ABCC12: variants seen among roughly 807,000 people sequenced by gnomAD.
The protein encoded by ABCC12 is ATP binding cassette subfamily C member 12.
ABCC12 carries 142 observed loss-of-function variants against 151.1 expected under a neutral mutation model. The ratio of observed to expected loss-of-function variants is 0.94; its 90% CI spans 0.82 to 1.08. The LOEUF (loss-of-function observed/expected upper bound fraction) is 1.08, where lower values mean the gene tolerates loss of function less well. Ranked by LOEUF, ABCC12 falls within the 50% of genes least tolerant of loss-of-function variation. The probability of loss-of-function intolerance (pLI) is 0.00; values close to 1 mark genes in which losing one functional copy is unlikely to be tolerated. For synonymous variants in ABCC12, 645 were observed against 646.4 expected (o/e 1.00, Z 0.03); for missense variants, 1,638 against 1,691.1 (o/e 0.97, Z 0.55).
Position 48,091,190 on chromosome 16 carries a change from A to G in ABCC12, c.3215T>C (p.Val1072Ala). Reference sequence around the variant, plus strand: ...CGTCTCTGTTCCCGTTCGCACACACACTTGGAGCAGTCCGCTCAGCTGTTG... The same window carrying G: ...CGTCTCTGTTCCCGTTCGCACACACGCTTGGAGCAGTCCGCTCAGCTGTTG... Reference protein sequence around the residue: ...YIIQLSGLLQVCVRTGTETQA... With the variant: ...YIIQLSGLLQACVRTGTETQA... The change falls in exon 25 of 31, where the codon GTG (valine) becomes GCG (alanine). Residue 1072 changes from valine (V) to alanine (A), a missense_variant. By Grantham distance (64) the Val-to-Ala change is moderately conservative (BLOSUM62 0). Transcript: ENST00000311303. 2 of 1,614,024 alleles carry G rather than the reference A, an allele frequency of 1.2e-6. No homozygotes were observed. The highest frequency in any genetic ancestry group is 1.7e-6 in the Non-Finnish European group (2 of 1,179,956).
At position 48,088,608 on chromosome 16, in the gene ABCC12, C is replaced by T. The variant is rs372800149; in HGVS notation, c.3412G>A (p.Asp1138Asn). The stretch of plus-strand genomic sequence containing the variant: ...CTTTGTATGTTCAAGTTCAGGCTGT[C>T]GAGAACAAGGGGGGTGTTGTCTCTG... Reference protein sequence around the residue: ...RYRDNTPLVLDSLNLNIQSGQ... With the variant: ...RYRDNTPLVLNSLNLNIQSGQ... Residue 1138 changes from aspartate (D) to asparagine (N), a missense_variant, in exon 26 of 31, where the codon GAC becomes AAC. By Grantham distance (23) the Asp-to-Asn change is conservative (BLOSUM62 1). Transcript: ENST00000311303. 7 of 1,614,098 alleles carry T rather than the reference C, an allele frequency of 4.3e-6. No homozygotes were observed. Among genetic ancestry groups the T allele is most frequent in the East Asian group, 2.2e-5 (1 of 44,898 alleles).
chr16:48,110,600 C>T (rs1189331887), intron 18 of ABCC12, among the ~76,000 whole-genome samples: 1 of 152,064 alleles, frequency 6.6e-6, no homozygotes, highest in East Asian at 1.9e-4. Flanking sequence ...TAGCCCCCAC[C>T]AGGCTCATCT....
rs777848662 is a variant in ABCC12, at chr16:48,115,519, G to A, written c.1885C>T (p.Pro629Ser). The A allele has an allele frequency of 6.2e-7, 1 of 1,614,216 alleles. No homozygotes were observed. Among genetic ancestry groups the A allele is most frequent in the Non-Finnish European group, 8.5e-7 (1 of 1,180,040 alleles). Reference sequence around the variant, plus strand: ...ACGTGGGCGTCCACGGCCGACAGGGGGTCGTCCAGCAGGTAGAGCTGACGG... The same window carrying A: ...ACGTGGGCGTCCACGGCCGACAGGGAGTCGTCCAGCAGGTAGAGCTGACGG... The part of the protein sequence containing the change: ...SDRQLYLLDD[P>S]LSAVDAHVGK... The change falls in exon 15 of 31, where the codon CCC becomes TCC. Residue 629 changes from proline to serine, a missense_variant. Physicochemically the swap from Pro to Ser is moderately conservative, Grantham distance 74. Coordinates refer to ENST00000311303, the MANE Select transcript of ABCC12 (RefSeq NM_001393797.1).
At chr16:48,109,239 C>T (rs1373951485) in intron 18 of ABCC12, among the ~76,000 whole-genome samples, 2 of 152,110 alleles carry the variant, frequency 1.3e-5, no homozygotes, top group Non-Finnish European at 2.9e-5. Flanking sequence ...AGAGCTCATG[C>T]CATACAGAAG....
At position 48,086,772 on chromosome 16, in the gene ABCC12, T is replaced by C. The variant is rs1962624656; in HGVS notation, c.3683A>G (p.Gln1228Arg). The change falls in exon 28 of 31, where the codon CAG becomes CGG. Residue 1228 changes from glutamine to arginine, a missense_variant. Coordinates refer to ENST00000311303, the MANE Select transcript of ABCC12 (RefSeq NM_001393797.1). ...TCTCATGAATGTTCTCTCCAGAACCTGCCAGAGCATCTCATCGGTGTGACT... is the reference window on the plus strand; with the variant it reads ...TCTCATGAATGTTCTCTCCAGAACCCGCCAGAGCATCTCATCGGTGTGACT... ...FESHTDEMLW[Q>R]VLERTFMRDT... is the part of the protein sequence containing the mutation. The C allele has an allele frequency of 2.5e-6, 4 of 1,614,010 alleles. No individual in the cohort carries two copies. The highest frequency in any genetic ancestry group is 3.4e-6 in the Non-Finnish European group (4 of 1,179,918).
intron 25 of ABCC12, 83 bp from the exon 26 acceptor site, chr16:48,088,817 GTTTCAGGTAC>G: frequency 8.1e-7 from 1 of 1,228,154 alleles, no homozygotes; most frequent in South Asian, 1.5e-5. Flanking sequence ...GATTCACACA[GTTTCAGGTAC>G]TGCTATTCAT....
chr16:48,152,432 C>T (rs896918066), intron 2 of ABCC12, among the ~76,000 whole-genome samples: 1 of 152,220 alleles, frequency 6.6e-6, no homozygotes. Context: ...CCGGGCACAG[C>T]GGACAGTCAA....
At chr16:48,111,015 A>G (rs1230810682) in intron 18 of ABCC12, among the ~76,000 whole-genome samples, 1 of 152,220 alleles carries the variant, frequency 6.6e-6, no homozygotes, top group East Asian at 1.9e-4. Flanking sequence ...GCTCCCCATA[A>G]AGAGTGGGAA....
intron 26 of ABCC12, among the ~76,000 whole-genome samples, 188 bp from the exon 27 acceptor site, chr16:48,088,273 A>G (rs993814416): frequency 2.0e-5 from 3 of 152,200 alleles, no homozygotes; most frequent in African/African-American, 4.8e-5. Flanking sequence ...TAACCTGCCC[A>G]TCCTTGCAGG....
At position 48,105,228 on chromosome 16, in the gene ABCC12, T is replaced by G; in HGVS notation, c.2584A>C (p.Met862Leu). 2 of 1,614,162 alleles carry G rather than the reference T, an allele frequency of 1.2e-6. No homozygotes were observed. The highest frequency in any genetic ancestry group is 1.7e-6 in the Non-Finnish European group (2 of 1,180,042). ...QWVYTASMVF[M>L]LVFGVTKGFV... ...CCTTTGGTGACGCCAAACACCAGCA[T>G]GAACACCATGCTTGCAGTGTACACC... Residue 862 changes from methionine to leucine, a missense_variant, in exon 21 of 31, where the codon ATG becomes CTG. Met to Leu is a conservative substitution (Grantham distance 15). Coordinates refer to ENST00000311303, the MANE Select transcript of ABCC12 (RefSeq NM_001393797.1).
Position 48,146,406 on chromosome 16 carries a change from A to C in ABCC12, c.19T>G (p.Tyr7Asp). The C allele has an allele frequency of 6.2e-7, 1 of 1,614,192 alleles. No individual in the cohort carries two copies. The highest frequency in any genetic ancestry group is 8.5e-7 in the Non-Finnish European group (1 of 1,180,028). The change falls in exon 3 of 31, where the codon TAC becomes GAC. Residue 7 changes from tyrosine to aspartate, a missense_variant. By Grantham distance (160) the Tyr-to-Asp change is radical. Transcript: ENST00000311303. MVGEGP[Y>D]LISDLDQRGR... The stretch of plus-strand genomic sequence containing the variant: ...CGCTGGTCCAGATCTGAGATAAGGT[A>C]GGGTCCTTCACCCACCATCCTGATG...
rs750232014 is a variant in ABCC12 at position 48,140,914 on chromosome 16, G to A, written c.430C>T (p.Leu144Phe). 2.5e-6 allele frequency: 4 copies of A among 1,613,638 alleles called. No homozygotes were observed. The Admixed American group carries it at 5.0e-5, about 20-fold the overall frequency. Residue 144 changes from leucine (L) to phenylalanine (F), a missense_variant, in exon 6 of 31, where the codon CTC (leucine) becomes TTC (phenylalanine). Leu to Phe is a conservative substitution (Grantham distance 22). Transcript: ENST00000311303. Reference sequence around the variant, plus strand: ...GTCTGCTGGAGGATTTGGTGAATGAGAACTGTCTGTAAAACAGCATGGTGG... The same window carrying A: ...GTCTGCTGGAGGATTTGGTGAATGAAAACTGTCTGTAAAACAGCATGGTGG... ...IIMAAIGPTV[L>F]IHQILQQTER...
intron 7 of ABCC12, among the ~76,000 whole-genome samples, chr16:48,138,908 G>A (rs1320128171): frequency 2.0e-5 from 3 of 152,096 alleles, no homozygotes; most frequent in Non-Finnish European, 4.4e-5. Context: ...GGTTGAGGCT[G>A]CAGTGAGCTA....
In ABCC12 at chr16:48,082,809, T is replaced by C. The variant is rs1258678350; in HGVS notation, c.*906A>G. 6.6e-6 allele frequency among the ~76,000 whole-genome samples: 1 copy of C among 152,224 alleles called. No homozygotes were observed. The highest frequency in any genetic ancestry group is 2.4e-5 in the African/African-American group (1 of 41,464). On this transcript the variant is annotated 3_prime_UTR_variant, in exon 31 of 31. Transcript: ENST00000311303. Reference sequence around the variant, plus strand: ...CTACACAAGAGCTTGCTGGATTTTCTATAAATATTTTTTTCCCAAATGTCA... The same window carrying C: ...CTACACAAGAGCTTGCTGGATTTTCCATAAATATTTTTTTCCCAAATGTCA...
At position 48,112,005 on chromosome 16, in the gene ABCC12, G is replaced by A. The variant is rs575129412; in HGVS notation, c.1990-95C>T. 7 of 1,457,584 alleles carry A rather than the reference G, an allele frequency of 4.8e-6. No individual in the cohort carries two copies. In the African/African-American group the frequency reaches 9.9e-5, roughly 21 times the overall value. The allele number at this position is 1,457,584 out of a possible 1,614,324, so 90.3% of individuals were successfully genotyped here. On this transcript the variant is annotated intron_variant, in intron 15 of 30. Coordinates refer to ENST00000311303, the MANE Select transcript of ABCC12 (RefSeq NM_001393797.1). ...CCTTAGTTACCACTGTTGACTTTAG[G>A]GGCCAGATCATTCTTTGTTTGAGGG...
rs1016189231 is a variant in ABCC12, at chr16:48,095,281, T to C, written c.3195+1465A>G. 3.0e-4 allele frequency among the ~76,000 whole-genome samples: 45 copies of C among 152,168 alleles called. 1 individual carries two copies. Among genetic ancestry groups the C allele is most frequent in the Non-Finnish European group, 5.9e-5 (4 of 68,030 alleles). ...CCTTTCACTTGGCTCTCATTCTCTC[T>C]TGTCTGCCACCAAGTAAGACGTGCC... On this transcript the variant is annotated intron_variant, in intron 24 of 30. Transcript: ENST00000311303.
intron 21 of ABCC12, 36 bp downstream of exon 21, chr16:48,105,103 A>G (rs1963441950): frequency 6.2e-7 from 1 of 1,612,908 alleles, no homozygotes; most frequent in East Asian, 2.2e-5. Flanking sequence ...TTGTTGACTG[A>G]ATAACTGGGT....
intron 8 of ABCC12, among the ~76,000 whole-genome samples, chr16:48,134,377 A>C (rs1964536405): frequency 6.6e-6 from 1 of 152,234 alleles, no homozygotes; most frequent in South Asian, 2.1e-4. Flanking sequence ...TAAATGAGTA[A>C]CTTGATAAGC....
At position 48,139,265 on chromosome 16, in the gene ABCC12, G is replaced by A; in HGVS notation, c.729C>T (p.Thr243=). 1 of 1,614,150 alleles carries A rather than the reference G, an allele frequency of 6.2e-7. No individual in the cohort carries two copies. The highest frequency in any genetic ancestry group is 8.5e-7 in the Non-Finnish European group (1 of 1,180,020). Reference sequence around the variant, plus strand: ...CACAAAAGACCATTAGGATCGGGATGGTGGCTGGCAAAGGACAAAACAAGG... The same window carrying A: ...CACAAAAGACCATTAGGATCGGGATAGTGGCTGGCAAAGGACAAAACAAGG... ...EAALFCPLPA[T]IPILMVFCAA... The change falls in exon 7 of 31, where the codon ACC becomes ACT. Residue 243 remains threonine (T), a synonymous_variant. Transcript: ENST00000311303.
Sources: allele counts gnomAD v4.1 joint callset (sites outside exome capture counted in the v4.1 genomes callset), GRCh38; gene constraint gnomAD v4.1.1; transcripts MANE v1.5; gene names NCBI Gene and HGNC (gene_info 2026-07-23, HGNC 2026-07-21).